Variants in LAT2 observed in about 807,000 individuals in gnomAD.
The protein encoded by LAT2 is linker for activation of T cells family member 2.
Under a neutral mutation model 43.4 loss-of-function variants are expected in LAT2, and 23 were observed. The observed-to-expected ratio is 0.53, with a 90% CI of 0.38 to 0.75. The LOEUF is 0.75. Among genes scored for constraint, LAT2 ranks in the 30% least tolerant of loss-of-function variants. The probability of loss-of-function intolerance (pLI) is 0.00; values close to 1 mark genes in which losing one functional copy is unlikely to be tolerated. For missense variants in LAT2, 284 were observed against 310.2 expected, an observed-to-expected ratio of 0.92 and a Z score of 0.64; for synonymous variants, 128 against 123.2, an observed-to-expected ratio of 1.04 and a Z score of -0.26.
chr7:74,210,325 A>T (rs1801687278), intron 1 of LAT2, among the ~76,000 whole-genome samples: 1 of 151,962 alleles, frequency 6.6e-6, no homozygotes, highest in African/African-American at 2.4e-5. Flanking sequence ...GGGACATCCC[A>T]GGGTGGTCCC....
Position 74,220,492 on chromosome 7 carries a change from G to A in LAT2, c.266-92G>A. 6.5e-7 allele frequency: 1 copy of A among 1,531,514 alleles called. No individual in the cohort carries two copies. Among genetic ancestry groups the A allele is most frequent in the Non-Finnish European group, 9.0e-7 (1 of 1,111,458 alleles). The allele number at this position is 1,531,514 out of a possible 1,614,324, so 94.9% of individuals were successfully genotyped here. A position where few individuals can be genotyped will look rare whatever the true frequency, so the allele number is the denominator to read the frequency against. On this transcript the variant is annotated intron_variant, in intron 7 of 13. Coordinates refer to ENST00000460943, the MANE Select transcript of LAT2 (RefSeq NM_032464.3). This position sits in a 1 kb window ranked among gnomAD's most constrained non-coding sequence, Gnocchi z 4.5. ...GAGCACTGCAAAGGCTCAGACACGG[G>A]AAATAGCTGGCCCTGCCTTGGGCTG... is the stretch of plus-strand genomic sequence containing the variant.
intron 1 of LAT2, 58 bp from the exon 2 acceptor site, chr7:74,214,764 C>CAT (rs1237994792): frequency 8.2e-5 from 5 of 61,220 alleles, no homozygotes; most frequent in African/African-American, 4.0e-4. Context: ...TATATATAAA[C>CAT]ATATATATAT....
In LAT2 at chr7:74,220,038, G is replaced by A. The variant is rs1554714898; in HGVS notation, c.227+30G>A. ...GTCACAGTCCCCCAGGAAGTGACAAGAATGAAAGTCCTGGAGGTCCTCACC... is the reference window on the plus strand; with the variant it reads ...GTCACAGTCCCCCAGGAAGTGACAAAAATGAAAGTCCTGGAGGTCCTCACC... On this transcript the variant is annotated intron_variant, in intron 6 of 13. Transcript: ENST00000460943. The surrounding 1 kb of genome is among the most constrained non-coding windows in gnomAD (Gnocchi z 4.5). 6.2e-7 allele frequency: 1 copy of A among 1,611,588 alleles called. No individual in the cohort carries two copies. The highest frequency in any genetic ancestry group is 2.2e-5 in the East Asian group (1 of 44,804).
intron 4 of LAT2, 97 bp downstream of exon 4, chr7:74,216,961 C>T: frequency 9.8e-7 from 1 of 1,021,790 alleles, no homozygotes; most frequent in Non-Finnish European, 1.5e-6. Context: ...CACCCCTTCA[C>T]TCACACCTCC....
Position 74,219,549 on chromosome 7 carries a change from G to A in LAT2, c.135-195G>A, listed in dbSNP as rs1264038270. On this transcript the variant is annotated intron_variant, in intron 4 of 13. Coordinates refer to ENST00000460943, the MANE Select transcript of LAT2 (RefSeq NM_032464.3). Reference sequence around the variant, plus strand: ...TGTGAGGGTTGGGCACCCAGTGCACGGAGGGGCCAGAGAATGGGGATAGCA... The same window carrying A: ...TGTGAGGGTTGGGCACCCAGTGCACAGAGGGGCCAGAGAATGGGGATAGCA... Among the ~76,000 whole-genome samples the A allele has an allele frequency of 9.2e-5, 14 of 152,236 alleles. No individual in the cohort carries two copies. The East Asian group carries it at 1.9e-3, about 21-fold the overall frequency.
Position 74,220,755 on chromosome 7 carries a change from C to A in LAT2, c.332+21C>A, listed in dbSNP as rs781968171. 8.7e-5 allele frequency: 133 copies of A among 1,533,548 alleles called. No individual in the cohort carries two copies. Among genetic ancestry groups the A allele is most frequent in the Admixed American group, 1.5e-4 (8 of 52,254 alleles). The allele number at this position is 1,533,548 out of a possible 1,614,324, so 95.0% of individuals were successfully genotyped here. A position where few individuals can be genotyped will look rare whatever the true frequency, so the allele number is the denominator to read the frequency against. On this transcript the variant is annotated intron_variant, in intron 9 of 13. Coordinates refer to ENST00000460943, the MANE Select transcript of LAT2 (RefSeq NM_032464.3). The surrounding 1 kb of genome is among the most constrained non-coding windows in gnomAD (Gnocchi z 4.5). ...TACATGTGAGTGACCTTGATCCTGT[C>A]CCCCCTGCCTCGCCTCTCCCCCTGC... is the stretch of plus-strand genomic sequence containing the variant.
chr7:74,213,419 C>CTGGAGCTCCT (rs1554713422), intron 1 of LAT2, among the ~76,000 whole-genome samples: 1 of 144,492 alleles, frequency 6.9e-6, no homozygotes, highest in Admixed American at 7.0e-5. Context: ...CTGTGCCCGG[C>CTGGAGCTCCT]CATTTTTTTT....
chr7:74,220,809 C>T lies in LAT2; in HGVS notation c.332+75C>T, dbSNP rs1456429590. 4.7e-6 allele frequency: 6 copies of T among 1,270,706 alleles called. No homozygotes were observed. The African/African-American group carries it at 4.9e-5, about 10-fold the overall frequency. 78.7% of individuals were successfully genotyped at this position (1,270,706 alleles called of 1,614,324 possible). ...ACCTCTCCCCCTGCCCCACCTCTCC[C>T]CCTGCCCCACCTGCCTGCCACAGCC... is the stretch of plus-strand genomic sequence containing the variant. On this transcript the variant is annotated intron_variant, in intron 9 of 13. Transcript: ENST00000460943. This position sits in a 1 kb window ranked among gnomAD's most constrained non-coding sequence, Gnocchi z 4.5.
intron 13 of LAT2, among the ~76,000 whole-genome samples, chr7:74,227,550 G>C (rs1312413290): frequency 6.6e-6 from 1 of 152,116 alleles, no homozygotes; most frequent in African/African-American, 2.4e-5. Flanking sequence ...AGACTGGCTG[G>C]ATGTTTCTAA....
At chr7:74,214,313 T>C (rs1801887509) in intron 1 of LAT2, among the ~76,000 whole-genome samples, 1 of 78,518 alleles carries the variant, frequency 1.3e-5, no homozygotes, top group Non-Finnish European at 2.2e-5. Context: ...TATAAATATA[T>C]ATATGAAAAT....
intron 4 of LAT2, 106 bp downstream of exon 4, chr7:74,216,970 C>T: frequency 1.0e-6 from 1 of 957,818 alleles, no homozygotes; most frequent in Non-Finnish European, 1.7e-6. Flanking sequence ...ACTCACACCT[C>T]CTCCGTGCCA....
At chr7:74,216,190 C>A in intron 3 of LAT2, 121 bp downstream of exon 3, 1 of 760,434 alleles carries the variant, frequency 1.3e-6, no homozygotes, top group Non-Finnish European at 2.1e-6. Context: ...CGTGATGTGA[C>A]CCCTGACCCC....
At chr7:74,227,248 G>T (rs1330554071) in intron 13 of LAT2, among the ~76,000 whole-genome samples, 2 of 151,430 alleles carry the variant, frequency 1.3e-5, no homozygotes, top group Non-Finnish European at 2.9e-5. Context: ...TTGAGAGGGA[G>T]TCTCGCTCTG....
chr7:74,226,792 A>C (rs1261960535), intron 13 of LAT2, among the ~76,000 whole-genome samples: 5 of 152,156 alleles, frequency 3.3e-5, no homozygotes, highest in African/African-American at 1.2e-4. Flanking sequence ...TTGCAATTTA[A>C]GGAAGGCGGC....
chr7:74,224,215 G>C lies in LAT2; in HGVS notation c.628+18G>C, dbSNP rs781892353. The C allele has an allele frequency of 5.0e-6, 8 of 1,609,302 alleles. No individual in the cohort carries two copies. Among genetic ancestry groups the C allele is most frequent in the Non-Finnish European group, 6.8e-6 (8 of 1,179,666 alleles). On this transcript the variant is annotated intron_variant, in intron 12 of 13. Coordinates refer to ENST00000460943, the MANE Select transcript of LAT2 (RefSeq NM_032464.3). The stretch of plus-strand genomic sequence containing the variant: ...GGTCATGGGTAGGTGGCCGGGAGAA[G>C]AGGCAGGGTGGTCCACTTAGGGCAG...
chr7:74,216,735 T>G (rs2116127225), intron 3 of LAT2, 90 bp from the exon 4 acceptor site: 1 of 1,093,916 alleles, frequency 9.1e-7, no homozygotes, highest in African/African-American at 1.5e-5. Flanking sequence ...CCTGTCTGAG[T>G]CCTGCTGGAG....
intron 13 of LAT2, among the ~76,000 whole-genome samples, chr7:74,227,382 G>A (rs1554716270): frequency 6.6e-6 from 1 of 152,002 alleles, no homozygotes; most frequent in African/African-American, 2.4e-5. Flanking sequence ...ACAACACCTG[G>A]CTAATTTTTG....
chr7:74,220,294 A>G lies in LAT2; in HGVS notation c.265+40A>G, dbSNP rs781799365. On this transcript the variant is annotated intron_variant, in intron 7 of 13. Transcript: ENST00000460943. This position sits in a 1 kb window ranked among gnomAD's most constrained non-coding sequence, Gnocchi z 4.5. ...GCAGGGACAGGGACAGGCCTAGCCA[A>G]GCTGGGACTAAGACAGGCGAAAACC... 1.4e-5 allele frequency: 23 copies of G among 1,592,656 alleles called. No individual in the cohort carries two copies. Among genetic ancestry groups the G allele is most frequent in the Non-Finnish European group, 2.6e-6 (3 of 1,167,250 alleles).
intron 2 of LAT2, 61 bp downstream of exon 2, chr7:74,215,071 G>A (rs1801989083): frequency 6.6e-6 from 1 of 151,948 alleles, no homozygotes; most frequent in Non-Finnish European, 1.5e-5. Flanking sequence ...CCAAGGCTGG[G>A]ACCAGCCACA....
Sources: gnomAD v4.1 joint callset for allele counts (sites outside exome capture counted in the v4.1 genomes callset) on GRCh38, gnomAD v4.1.1 for gene constraint, Gnocchi (gnomAD v3.1) non-coding constraint, MANE v1.5 for transcripts, NCBI Gene and HGNC (gene_info 2026-07-23, HGNC 2026-07-21) for gene names.